RBBP7: variants seen among roughly 807,000 people sequenced by gnomAD.
RBBP7 encodes the protein histone-binding protein RBBP7.
In RBBP7, 5 loss-of-function variants were observed where a neutral mutation model predicts 35.2. That is an observed-to-expected ratio of 0.14 (90% CI 0.07 to 0.30). The LOEUF (loss-of-function observed/expected upper bound fraction) is 0.30. Ranked by LOEUF, RBBP7 falls within the 10% of genes least tolerant of loss-of-function variation. RBBP7 has a pLI of 1.00. For synonymous variants in RBBP7, 140 were observed against 118.7 expected, an observed-to-expected ratio of 1.18 and a Z score of -1.17; for missense variants, 155 against 327.5, an observed-to-expected ratio of 0.47 and a Z score of 4.07.
chrX:16,857,696 T>A lies in RBBP7; in HGVS notation c.495A>T (p.Glu165Asp), dbSNP rs1420133686. ...KHPAKPDPSG[E>D]CNPDLRLRGH... ...CTCTTAATCTGAGATCAGGATTACA[T>A]TCTCCACTTGGGTCTAAGAAAAGAT... The change falls in exon 5 of 12, where the codon GAA (glutamate) becomes GAT (aspartate). Residue 165 changes from glutamate (E) to aspartate (D), a missense_variant. Transcript: ENST00000380087. 8.4e-7 allele frequency: 1 copy of A among 1,195,858 alleles called. No homozygotes were observed. Among genetic ancestry groups the A allele is most frequent in the African/African-American group, 1.8e-5 (1 of 55,919 alleles).
chrX:16,846,128 CAG>C (rs1190554498), intron 10 of RBBP7, 190 bp from the exon 11 acceptor site: 14 of 643,196 alleles, frequency 2.2e-5, no homozygotes, highest in Non-Finnish European at 3.1e-5. Flanking sequence ...GAATAGGTGA[CAG>C]AATATAGTAC....
chrX:16,848,020 T>C (rs1338870981), intron 10 of RBBP7: 1 of 112,322 alleles, frequency 8.9e-6, no homozygotes, highest in Non-Finnish European at 1.9e-5. Context: ...GCTGGAGACC[T>C]TGAAAACATT....
At chrX:16,845,167 A>T in intron 11 of RBBP7, 64 bp from the exon 12 acceptor site, 1 of 796,141 alleles carries the variant, frequency 1.3e-6, no homozygotes, top group Non-Finnish European at 1.9e-6. Flanking sequence ...GTCATGTAAA[A>T]ACAATTTAAT....
At chrX:16,849,346 T>C in intron 9 of RBBP7, 45 bp from the exon 10 acceptor site, 1 of 1,107,377 alleles carries the variant, frequency 9.0e-7, no homozygotes, top group South Asian at 1.9e-5. Context: ...GAAATTCTTG[T>C]AGCACGAACA....
intron 8 of RBBP7, 98 bp downstream of exon 8, chrX:16,852,452 AT>A: frequency 1.1e-6 from 1 of 913,186 alleles, no homozygotes; most frequent in Non-Finnish European, 1.6e-6. Context: ...CGTACAAGAC[AT>A]TTTTTTCAAT....
At position 16,869,077 on chromosome X, in the gene RBBP7, T is replaced by G; in HGVS notation, c.160A>C (p.Lys54Gln). 1.7e-6 allele frequency: 2 copies of G among 1,197,246 alleles called. No individual in the cohort carries two copies. Among genetic ancestry groups the G allele is most frequent in the Non-Finnish European group, 2.2e-6 (2 of 891,484 alleles). ...LTVQWLPEVT[K>Q]PEGKDYALHW... is the part of the protein sequence containing the mutation. ...ATAAAAGTTGCCAGAAACCCTTACT[T>G]AGTCACTTCAGGAAGCCACTGAACG... is the stretch of plus-strand genomic sequence containing the variant. Residue 54 changes from lysine to glutamine, a missense_variant and splice_region_variant, in exon 2 of 12, where the codon AAA becomes CAA. By Grantham distance (53) the Lys-to-Gln change is moderately conservative. Around this residue, in one of 3 missense-constraint regions of RBBP7, gnomAD observed 59 missense variants for 90.4 expected, o/e 0.65. Coordinates refer to ENST00000380087, the MANE Select transcript of RBBP7 (RefSeq NM_002893.4).
rs201727332 is a variant in RBBP7 at position 16,855,054 on chromosome X, T to A, written c.598-1212A>T. Among the ~76,000 whole-genome samples the A allele has an allele frequency of 2.7e-4, 9 of 33,930 alleles. No individual in the cohort carries two copies. The East Asian group carries it at 0.035, about 134-fold the overall frequency. 29.5% of individuals were successfully genotyped at this position (33,930 alleles called of 115,157 possible). On this transcript the variant is annotated intron_variant, in intron 5 of 11. Coordinates refer to ENST00000380087, the MANE Select transcript of RBBP7 (RefSeq NM_002893.4). ...CTTCATCTGTTTTTATTAAATCACC[T>A]TTTTTTTTTTTTTGAGACGGAGTCT...
intron 11 of RBBP7, 139 bp downstream of exon 11, chrX:16,845,688 TG>T: frequency 9.5e-7 from 1 of 1,054,437 alleles, no homozygotes; most frequent in Non-Finnish European, 1.2e-6. Flanking sequence ...ATTGTTGAAA[TG>T]GAAAAAGTTC....
chrX:16,845,472 T>C (rs1426753150), intron 11 of RBBP7, among the ~76,000 whole-genome samples: 1 of 111,918 alleles, frequency 8.9e-6, no homozygotes, highest in Non-Finnish European at 1.9e-5. Context: ...CTTGCTGTCA[T>C]TTGAATGCCT....
chrX:16,867,817 T>TA (rs1930663129), intron 2 of RBBP7, among the ~76,000 whole-genome samples: 2 of 108,967 alleles, frequency 1.8e-5, no homozygotes, highest in Non-Finnish European at 3.8e-5. Context: ...TAGCTAGGAC[T>TA]ACAGGTACAC....
At chrX:16,868,113 A>G (rs1274336357) in intron 2 of RBBP7, among the ~76,000 whole-genome samples, 1 of 111,635 alleles carries the variant, frequency 9.0e-6, no homozygotes, top group Non-Finnish European at 1.9e-5. Flanking sequence ...TTTCTTTGAG[A>G]GACACGGTCT....
chrX:16,867,529 C>T (rs1298748494), intron 2 of RBBP7, among the ~76,000 whole-genome samples: 4 of 111,617 alleles, frequency 3.6e-5, no homozygotes, highest in Non-Finnish European at 7.5e-5. Context: ...TTTAGTTCTT[C>T]TCTACTCTTC....
chrX:16,866,849 AGAAT>A (rs1930637183), intron 2 of RBBP7, among the ~76,000 whole-genome samples: 2 of 111,125 alleles, frequency 1.8e-5, no homozygotes, highest in African/African-American at 3.3e-5. Flanking sequence ...TCAACATCCA[AGAAT>A]GCAGGCTGCT....
At chrX:16,852,667 T>C in intron 7 of RBBP7, 39 bp from the exon 8 acceptor site, 2 of 1,208,042 alleles carry the variant, frequency 1.7e-6, no homozygotes, top group Non-Finnish European at 2.2e-6. Context: ...TTCTATGCTT[T>C]ACCTAAGAAT....
At chrX:16,863,192 T>C (rs1930517459) in intron 2 of RBBP7, 92 bp from the exon 3 acceptor site, 3 of 906,646 alleles carry the variant, frequency 3.3e-6, no homozygotes, top group African/African-American at 4.0e-5. Context: ...TACATTCATA[T>C]TTCTTTAGCA....
At chrX:16,859,653 T>C (rs968147562) in intron 3 of RBBP7, among the ~76,000 whole-genome samples, 1 of 112,298 alleles carries the variant, frequency 8.9e-6, no homozygotes, top group Non-Finnish European at 1.9e-5. Flanking sequence ...CTTAAAAAGA[T>C]AGGAGGGTTC....
At chrX:16,850,324 G>A (rs992255736) in intron 9 of RBBP7, among the ~76,000 whole-genome samples, 10 of 112,571 alleles carry the variant, frequency 8.9e-5, no homozygotes, top group African/African-American at 2.6e-4. Context: ...GACATGAGCC[G>A]CCATGCCTGG....
chrX:16,855,939 T>C (rs1429961916), intron 5 of RBBP7, among the ~76,000 whole-genome samples: 1 of 88,719 alleles, frequency 1.1e-5, no homozygotes, highest in African/African-American at 4.5e-5. Flanking sequence ...GAGGGTGCAG[T>C]GAGCCGAGAC....
At chrX:16,866,523 C>CAAAAAAAA (rs55729039) in intron 2 of RBBP7, among the ~76,000 whole-genome samples, 14 of 32,587 alleles carry the variant, frequency 4.3e-4, no homozygotes, top group South Asian at 4.2e-3. Context: ...GAGACTGTCT[C>CAAAAAAAA]AAAAAAAAAA....
Sources: allele counts gnomAD v4.1 joint callset (sites outside exome capture counted in the v4.1 genomes callset), GRCh38; gene constraint gnomAD v4.1.1; regional missense constraint gnomAD v4.1.1; transcripts MANE v1.5; gene names NCBI Gene and HGNC (gene_info 2026-07-23, HGNC 2026-07-21).